AMBRA1: variants seen among roughly 807,000 people sequenced by gnomAD.
AMBRA1 encodes the protein activating molecule in BECN1-regulated autophagy protein 1.
AMBRA1 carries 47 observed loss-of-function variants against 125.4 expected under a neutral mutation model. The ratio of observed to expected loss-of-function variants is 0.37; its 90% CI spans 0.30 to 0.48. The LOEUF (loss-of-function observed/expected upper bound fraction) is 0.48. AMBRA1 is among the 20% of genes least tolerant of loss of function. The pLI is 0.99. For synonymous variants in AMBRA1, 626 were observed against 655.5 expected (o/e 0.95, Z 0.69); for missense variants, 1,331 against 1,693.4 (o/e 0.79, Z 3.76).
intron 1 of AMBRA1, among the ~76,000 whole-genome samples, chr11:46,553,103 C>T (rs536189786): frequency 1.3e-5 from 2 of 151,820 alleles, no homozygotes; most frequent in Admixed American, 6.6e-5. Flanking sequence ...CCACCACACC[C>T]GGCTAATTTT....
At chr11:46,488,749 C>A (rs937300694) in intron 11 of AMBRA1, among the ~76,000 whole-genome samples, 1 of 152,110 alleles carries the variant, frequency 6.6e-6, no homozygotes. Context: ...TAAAATCACA[C>A]AAAGTATGTT....
intron 15 of AMBRA1, among the ~76,000 whole-genome samples, chr11:46,416,806 C>T (rs1306010508): frequency 2.0e-5 from 3 of 152,186 alleles, no homozygotes; most frequent in Non-Finnish European, 2.9e-5. Flanking sequence ...AACCTTGCAG[C>T]GTCCCACGCA....
intron 1 of AMBRA1, among the ~76,000 whole-genome samples, chr11:46,566,162 T>C (rs984139842): frequency 2.6e-5 from 4 of 152,162 alleles, no homozygotes; most frequent in Admixed American, 6.5e-5. Context: ...CTCACACCTT[T>C]AATCCCAGCA....
In AMBRA1 at chr11:46,593,957, G is replaced by A. The variant is rs1375033521; in HGVS notation, c.-250C>T. 1 of 398,654 alleles carries A rather than the reference G, an allele frequency of 2.5e-6. No homozygotes were observed. The highest frequency in any genetic ancestry group is 3.6e-5 in the East Asian group (1 of 28,070). 24.7% of individuals were successfully genotyped at this position (398,654 alleles called of 1,614,324 possible). ...CGGCAGGAGAAGGCGGCTTGAGCGCGGGGCCTCGCGGACAACTCAGCCCTC... is the reference window on the plus strand; with the variant it reads ...CGGCAGGAGAAGGCGGCTTGAGCGCAGGGCCTCGCGGACAACTCAGCCCTC... On this transcript the variant is annotated 5_prime_UTR_variant, in exon 1 of 18. Coordinates refer to ENST00000683756, the MANE Select transcript of AMBRA1 (RefSeq NM_001387011.1).
At chr11:46,544,737 T>C (rs998003967) in intron 5 of AMBRA1, among the ~76,000 whole-genome samples, 2 of 151,872 alleles carry the variant, frequency 1.3e-5, no homozygotes, top group African/African-American at 4.8e-5. Flanking sequence ...ATGACCCTGA[T>C]CTCCAAAAAC....
intron 9 of AMBRA1, among the ~76,000 whole-genome samples, chr11:46,495,705 T>C (rs917332452): frequency 2.0e-5 from 3 of 152,228 alleles, no homozygotes; most frequent in African/African-American, 7.2e-5. Context: ...ACAGAGTAGC[T>C]GAATATCAAA....
In AMBRA1 at chr11:46,447,264, G is replaced by A. The variant is rs551757420; in HGVS notation, c.2522-3666C>T. Among the ~76,000 whole-genome samples the A allele has an allele frequency of 2.6e-5, 4 of 151,512 alleles. No individual in the cohort carries two copies. The South Asian group carries it at 8.3e-4, about 32-fold the overall frequency. Reference sequence around the variant, plus strand: ...GCAAAAAAAAAAAAGGCCACGCGCAGTAGCTCACACCTGTAATCCCAGCAC... The same window carrying A: ...GCAAAAAAAAAAAAGGCCACGCGCAATAGCTCACACCTGTAATCCCAGCAC... On this transcript the variant is annotated intron_variant, in intron 11 of 17. Coordinates refer to ENST00000683756, the MANE Select transcript of AMBRA1 (RefSeq NM_001387011.1).
intron 1 of AMBRA1, among the ~76,000 whole-genome samples, chr11:46,575,099 C>T (rs575715112): frequency 1.3e-5 from 2 of 152,074 alleles, no homozygotes; most frequent in Admixed American, 6.6e-5. Flanking sequence ...CCTAATAAAT[C>T]CTTCATTAAA....
At position 46,539,326 on chromosome 11, in the gene AMBRA1, G is replaced by A. The variant is rs150708048; in HGVS notation, c.2072+2619C>T. Among the ~76,000 whole-genome samples the A allele has an allele frequency of 5.9e-3, 892 of 152,292 alleles. 10 individuals carry two copies. Among genetic ancestry groups the A allele is most frequent in the African/African-American group, 0.02 (846 of 41,550 alleles). On this transcript the variant is annotated intron_variant, in intron 7 of 17. Coordinates refer to ENST00000683756, the MANE Select transcript of AMBRA1 (RefSeq NM_001387011.1). ...GAATCCCAGCACTTTGGGAGGCCAA[G>A]GTGGGCAGATCACCTGAGGTCGGGA...
intron 14 of AMBRA1, among the ~76,000 whole-genome samples, chr11:46,432,893 G>A (rs997211681): frequency 4.6e-5 from 7 of 152,178 alleles, no homozygotes; most frequent in African/African-American, 1.7e-4. Context: ...TCTGGCTGAG[G>A]CCAAAAGGCC....
At chr11:46,582,434 A>G (rs1349995487) in intron 1 of AMBRA1, among the ~76,000 whole-genome samples, 1 of 152,142 alleles carries the variant, frequency 6.6e-6, no homozygotes, top group African/African-American at 2.4e-5. Flanking sequence ...CTGCAATTAT[A>G]TGTTTATTGG....
intron 1 of AMBRA1, among the ~76,000 whole-genome samples, chr11:46,550,937 A>C (rs1452772243): frequency 6.6e-6 from 1 of 150,974 alleles, no homozygotes; most frequent in East Asian, 2.0e-4. Context: ...ATACAAAAAA[A>C]AAAAAAAAAA....
chr11:46,401,329 TTCCC>T (rs1945750538), intron 17 of AMBRA1, among the ~76,000 whole-genome samples: 1 of 152,120 alleles, frequency 6.6e-6, no homozygotes, highest in Non-Finnish European at 1.5e-5. Flanking sequence ...CAACCTCCAC[TTCCC>T]GGGTTCATGC....
chr11:46,442,988 C>G (rs1948094292), intron 12 of AMBRA1, among the ~76,000 whole-genome samples: 1 of 152,120 alleles, frequency 6.6e-6, no homozygotes, highest in Non-Finnish European at 1.5e-5. Context: ...TCCCAAAGTG[C>G]TGGGATTACA....
intron 11 of AMBRA1, among the ~76,000 whole-genome samples, chr11:46,467,584 T>C (rs1949385250): frequency 1.3e-5 from 2 of 151,050 alleles, no homozygotes; most frequent in Non-Finnish European, 2.9e-5. Context: ...AGTCTCACTC[T>C]GTTGCCCAGG....
At chr11:46,473,851 C>T (rs1381552316) in intron 11 of AMBRA1, among the ~76,000 whole-genome samples, 3 of 152,192 alleles carry the variant, frequency 2.0e-5, no homozygotes, top group African/African-American at 7.2e-5. Context: ...GGTGTTTCAC[C>T]GTGTTAGCCA....
chr11:46,542,503 C>A lies in AMBRA1; in HGVS notation c.1514G>T (p.Arg505Leu). Residue 505 changes from arginine (R) to leucine (L), a missense_variant, in exon 7 of 18, where the codon CGC becomes CTC. Arg to Leu is a moderately radical substitution (Grantham distance 102). This residue lies in a region of AMBRA1 where 689 missense variants were observed against 776.5 expected (regional missense o/e 0.89). Coordinates refer to ENST00000683756, the MANE Select transcript of AMBRA1 (RefSeq NM_001387011.1). This position sits in a 1 kb window ranked among gnomAD's most constrained non-coding sequence, Gnocchi z 5.9. ...IRHELQCDLR[R>L]FFLEYDRLQE... ...AAGCCGGTCATACTCCAGAAAGAAG[C>A]GTCTCAGGTCACACTGAAGCTCATG... The A allele has an allele frequency of 6.2e-7, 1 of 1,613,530 alleles. No individual in the cohort carries two copies. The highest frequency in any genetic ancestry group is 1.1e-5 in the South Asian group (1 of 91,086).
chr11:46,524,131 G>C (rs1951871900), intron 7 of AMBRA1, among the ~76,000 whole-genome samples: 1 of 152,156 alleles, frequency 6.6e-6, no homozygotes, highest in Non-Finnish European at 1.5e-5. Context: ...GCCTCCCAAA[G>C]TGCTGGGATT....
intron 1 of AMBRA1, among the ~76,000 whole-genome samples, chr11:46,569,440 AATAT>A (rs1243484151): frequency 0.015 from 2,030 of 131,280 alleles, 57 homozygotes; most frequent in African/African-American, 0.055. Context: ...AAAAAAAAAA[AATAT>A]ATATATATAT....
Sources: gnomAD v4.1 joint callset for allele counts (sites outside exome capture counted in the v4.1 genomes callset) on GRCh38, gnomAD v4.1.1 for gene constraint, gnomAD v4.1.1 regional missense constraint, Gnocchi (gnomAD v3.1) non-coding constraint, MANE v1.5 for transcripts, NCBI Gene and HGNC (gene_info 2026-07-23, HGNC 2026-07-21) for gene names.